DGKB: variants seen among roughly 807,000 people sequenced by gnomAD.
DGKB encodes diacylglycerol kinase beta.
In DGKB, 67 loss-of-function variants were observed where a neutral mutation model predicts 114.3. The observed-to-expected ratio is 0.59, with a 90% CI of 0.48 to 0.72. The LOEUF is 0.72. DGKB is among the 30% of genes least tolerant of loss of function. DGKB has a pLI of 0.00. For missense variants in DGKB, 907 were observed against 975.2 expected (o/e 0.93, Z 0.93); for synonymous variants, 398 against 323.1 (o/e 1.23, Z -2.49).
intron 1 of DGKB, among the ~76,000 whole-genome samples, chr7:14,923,545 C>G (rs1295377506): frequency 6.6e-6 from 1 of 152,152 alleles, no homozygotes; most frequent in Non-Finnish European, 1.5e-5. Flanking sequence ...CAAATATATT[C>G]TCCTTTTCCT....
At chr7:14,861,964 T>C (rs565654982) in intron 1 of DGKB, among the ~76,000 whole-genome samples, 3 of 152,018 alleles carry the variant, frequency 2.0e-5, no homozygotes, top group Admixed American at 2.0e-4. Flanking sequence ...TTCCAAAGAG[T>C]GTTTCTCATT....
At position 14,689,199 on chromosome 7, in the gene DGKB, A is replaced by ATTTTTTTT. The variant is rs551618345; in HGVS notation, c.712-3845_712-3838dup. On this transcript the variant is annotated intron_variant, in intron 9 of 25. Transcript: ENST00000402815. ...TGACAATGTGACAGAAACTCCTCTT[A>ATTTTTTTT]TTTTTTTTTTTTTTTTTTTTTTTTT... 8.6e-3 allele frequency among the ~76,000 whole-genome samples: 655 copies of ATTTTTTTT among 76,448 alleles called. 83 individuals carry two copies. Among genetic ancestry groups the ATTTTTTTT allele is most frequent in the African/African-American group, 0.026 (632 of 24,168 alleles). 50.2% of individuals were successfully genotyped at this position (76,448 alleles called of 152,430 possible). A position where few individuals can be genotyped will look rare whatever the true frequency, so the allele number is the denominator to read the frequency against.
intron 1 of DGKB, among the ~76,000 whole-genome samples, chr7:14,855,987 GTATA>G (rs3036251): frequency 1.4e-5 from 2 of 143,726 alleles, no homozygotes; most frequent in Admixed American, 7.4e-5. Context: ...TAGATAATGT[GTATA>G]TATATATATA....
intron 21 of DGKB, among the ~76,000 whole-genome samples, chr7:14,379,909 C>T (rs1819158139): frequency 7.2e-6 from 1 of 139,302 alleles, no homozygotes; most frequent in Admixed American, 7.5e-5. Flanking sequence ...GTTGGGATTA[C>T]AGGCGTGAGC....
At chr7:14,754,324 A>G (rs1315251190) in intron 3 of DGKB, among the ~76,000 whole-genome samples, 2 of 152,314 alleles carry the variant, frequency 1.3e-5, no homozygotes, top group East Asian at 3.9e-4. Context: ...TTAGATAAAT[A>G]TAATATGTAA....
chr7:14,854,284 G>A (rs1414234227), intron 1 of DGKB, among the ~76,000 whole-genome samples: 2 of 152,096 alleles, frequency 1.3e-5, no homozygotes, highest in African/African-American at 2.4e-5. Flanking sequence ...TGATTCTCAT[G>A]GTGAGCAAAA....
chr7:14,670,368 TCTTGGCTCACTGCAAC>T (rs1452670788), intron 13 of DGKB, among the ~76,000 whole-genome samples: 1 of 151,710 alleles, frequency 6.6e-6, no homozygotes, highest in African/African-American at 2.4e-5. Context: ...AGTGATGCAA[TCTTGGCTCACTGCAAC>T]CTCCGCCTCC....
At chr7:14,704,324 T>G (rs13234335) in intron 6 of DGKB, among the ~76,000 whole-genome samples, 1 of 146,696 alleles carries the variant, frequency 6.8e-6, no homozygotes, top group Non-Finnish European at 1.5e-5. Context: ...GGCAGGTGCC[T>G]GTAGTCCCAG....
At chr7:14,739,825 A>T (rs1045147312) in intron 4 of DGKB, among the ~76,000 whole-genome samples, 1 of 151,916 alleles carries the variant, frequency 6.6e-6, no homozygotes, top group Non-Finnish European at 1.5e-5. Context: ...TTTTTTTCCC[A>T]GGACTGTAAT....
intron 6 of DGKB, among the ~76,000 whole-genome samples, chr7:14,713,051 A>T (rs1347412018): frequency 6.6e-6 from 1 of 152,150 alleles, no homozygotes; most frequent in Non-Finnish European, 1.5e-5. Context: ...AACTAGTTTA[A>T]CCCACATTTT....
At chr7:14,258,154 G>A (rs1796222535) in intron 23 of DGKB, among the ~76,000 whole-genome samples, 1 of 152,174 alleles carries the variant, frequency 6.6e-6, no homozygotes, top group African/African-American at 2.4e-5. Context: ...AACTGTGAAA[G>A]GGATTAATAT....
At chr7:14,751,362 T>C (rs1187607192) in intron 4 of DGKB, among the ~76,000 whole-genome samples, 1 of 152,196 alleles carries the variant, frequency 6.6e-6, no homozygotes, top group African/African-American at 2.4e-5. Flanking sequence ...TTGGAATTTA[T>C]CATTAAACTA....
Position 14,605,282 on chromosome 7 carries a change from A to C in DGKB, c.1433+2152T>G, listed in dbSNP as rs1804271068. The stretch of plus-strand genomic sequence containing the variant: ...CACCTGCTTTAGAGTGCAGAAAGCA[A>C]GTTGCAAGATAATATAAAATCTATA... On this transcript the variant is annotated intron_variant, in intron 17 of 25. Coordinates refer to ENST00000402815, the MANE Select transcript of DGKB (RefSeq NM_001350709.2). 5.3e-5 allele frequency among the ~76,000 whole-genome samples: 8 copies of C among 151,462 alleles called. No individual in the cohort carries two copies. The Admixed American group carries it at 5.3e-4, about 10-fold the overall frequency.
chr7:14,196,874 T>C (rs1554282993), intron 23 of DGKB, among the ~76,000 whole-genome samples: 1 of 152,122 alleles, frequency 6.6e-6, no homozygotes, highest in Non-Finnish European at 1.5e-5. Context: ...TGAAAAAGTT[T>C]TCATTGATGT....
chr7:14,376,228 G>A (rs2128666788), intron 21 of DGKB, among the ~76,000 whole-genome samples: 1 of 152,294 alleles, frequency 6.6e-6, no homozygotes, highest in African/African-American at 2.4e-5. Context: ...CACAGCAGCT[G>A]TGGCCAAAAT....
chr7:14,721,598 ATCACATATTTAATTGTG>A (rs2128359538), intron 5 of DGKB, among the ~76,000 whole-genome samples: 1 of 152,268 alleles, frequency 6.6e-6, no homozygotes, highest in East Asian at 1.9e-4. Context: ...TTAAAGCTGT[ATCACATATTTAATTGTG>A]TCACAGTTTT....
chr7:14,854,939 T>C (rs1849909102), intron 1 of DGKB, among the ~76,000 whole-genome samples: 1 of 152,130 alleles, frequency 6.6e-6, no homozygotes, highest in Non-Finnish European at 1.5e-5. Flanking sequence ...GAACAAATTC[T>C]GAACTGGAAT....
At chr7:14,672,454 AT>A (rs978953083) in intron 13 of DGKB, among the ~76,000 whole-genome samples, 61 of 150,840 alleles carry the variant, frequency 4.0e-4, no homozygotes, top group African/African-American at 7.0e-4. Context: ...GTTCAATAAA[AT>A]TTTTTTTTTA....
At chr7:14,732,254 G>A (rs4721364) in intron 5 of DGKB, among the ~76,000 whole-genome samples, 120,772 of 151,742 alleles carry the variant, frequency 0.8, 48,383 homozygotes, top group Non-Finnish European at 0.85. Context: ...TTTAGTTGCT[G>A]TATAGAGTAA....
Sources: gnomAD v4.1 joint callset for allele counts (sites outside exome capture counted in the v4.1 genomes callset) on GRCh38, gnomAD v4.1.1 for gene constraint, MANE v1.5 for transcripts, NCBI Gene and HGNC (gene_info 2026-07-23, HGNC 2026-07-21) for gene names.